Variants in CRACD observed in about 807,000 individuals in gnomAD.
The protein encoded by CRACD is capping protein-inhibiting regulator of actin dynamics.
A neutral mutation model predicts 106.8 loss-of-function variants in CRACD; 56 were observed. The ratio of observed to expected loss-of-function variants is 0.52; its 90% confidence interval spans 0.42 to 0.66. The LOEUF (loss-of-function observed/expected upper bound fraction) is 0.66. Among genes scored for constraint, CRACD ranks in the 30% least tolerant of loss-of-function variants. The pLI is 0.00. For synonymous variants in CRACD, 754 were observed against 670.8 expected (o/e 1.12, Z -1.92); for missense variants, 1,730 against 1,623.2 (o/e 1.07, Z -1.13).
chr4:56,072,608 CT>C (rs112798382), intron 1 of CRACD, among the ~76,000 whole-genome samples: 3 of 151,020 alleles, frequency 2.0e-5, no homozygotes, highest in Non-Finnish European at 4.4e-5. Context: ...TTCTTTCTTT[CT>C]TTTTTTTTAA....
At chr4:56,245,427 A>T (rs941279635) in intron 2 of CRACD, among the ~76,000 whole-genome samples, 3 of 152,194 alleles carry the variant, frequency 2.0e-5, no homozygotes, top group Non-Finnish European at 2.9e-5. Context: ...AACAAAACTA[A>T]ACAACAATAA....
chr4:56,315,016 T>C lies in CRACD; in HGVS notation c.1514T>C (p.Val505Ala), dbSNP rs1745485060. ...CCGGTGGAAGCCGCGCAGCCTCCGG[T>C]GGAGAGGAAAGAAGCCGCCGCCCTT... The part of the protein sequence containing the change: ...EGPVEAAQPP[V>A]ERKEAAALEQ... Residue 505 changes from valine (V) to alanine (A), a missense_variant, in exon 8 of 11, where the codon GTG becomes GCG. Around this residue, in one of 5 missense-constraint regions of CRACD, gnomAD observed 1,620 missense variants for 1,481.6 expected, o/e 1.09. Transcript: ENST00000682029. The surrounding 1 kb of genome is among the most constrained non-coding windows in gnomAD (Gnocchi z 4.1). 1 of 1,590,120 alleles carries C rather than the reference T, an allele frequency of 6.3e-7. No individual in the cohort carries two copies.
chr4:56,325,210 C>T (rs1560544811), intron 10 of CRACD, among the ~76,000 whole-genome samples: 2 of 152,126 alleles, frequency 1.3e-5, no homozygotes, highest in African/African-American at 4.8e-5. Context: ...TGGTGCATGC[C>T]TGTAGTCCCA....
At chr4:56,164,498 C>T (rs1359471685) in intron 1 of CRACD, among the ~76,000 whole-genome samples, 9 of 152,154 alleles carry the variant, frequency 5.9e-5, no homozygotes, top group Non-Finnish European at 7.3e-5. Context: ...GCTACTGATA[C>T]GTGCAACAAC....
chr4:56,278,049 A>G (rs1208678548), intron 3 of CRACD, among the ~76,000 whole-genome samples: 2 of 152,202 alleles, frequency 1.3e-5, no homozygotes, highest in African/African-American at 4.8e-5. Context: ...CATCTATTGG[A>G]AAACATAATA....
intron 1 of CRACD, among the ~76,000 whole-genome samples, chr4:56,164,070 C>T (rs1362202707): frequency 6.6e-6 from 1 of 151,642 alleles, no homozygotes; most frequent in African/African-American, 2.4e-5. Flanking sequence ...CATTCTGACA[C>T]TTGTAGAGCT....
intron 3 of CRACD, among the ~76,000 whole-genome samples, chr4:56,284,552 C>A (rs1279120831): frequency 6.6e-6 from 1 of 151,978 alleles, no homozygotes; most frequent in Non-Finnish European, 1.5e-5. Flanking sequence ...TGGTGAAACC[C>A]CATCTCTACT....
chr4:56,099,486 C>T (rs1005393797), intron 1 of CRACD, among the ~76,000 whole-genome samples: 8 of 152,134 alleles, frequency 5.3e-5, no homozygotes, highest in African/African-American at 7.2e-5. Context: ...ATCCTTCAGC[C>T]GCTCACACTG....
intron 1 of CRACD, among the ~76,000 whole-genome samples, chr4:56,162,801 A>G (rs951330483): frequency 6.6e-6 from 1 of 152,216 alleles, no homozygotes; most frequent in South Asian, 2.1e-4. Context: ...TTTAGAAATA[A>G]TCAGGCAAAA....
chr4:56,217,025 T>C (rs539369043), intron 2 of CRACD, among the ~76,000 whole-genome samples: 58 of 149,960 alleles, frequency 3.9e-4, no homozygotes, highest in African/African-American at 1.4e-3. Flanking sequence ...AAAGAAAATG[T>C]CTCAGGTTTA....
At chr4:56,094,986 A>G (rs1367727256) in intron 1 of CRACD, among the ~76,000 whole-genome samples, 1 of 152,180 alleles carries the variant, frequency 6.6e-6, no homozygotes, top group Non-Finnish European at 1.5e-5. Context: ...TCCCTTTTGT[A>G]TTCCTCAGCA....
At chr4:56,208,632 T>A (rs1205066483) in intron 2 of CRACD, among the ~76,000 whole-genome samples, 1 of 152,228 alleles carries the variant, frequency 6.6e-6, no homozygotes, top group Non-Finnish European at 1.5e-5. Context: ...AAACATCATT[T>A]ATTATTTGGC....
Position 56,313,319 on chromosome 4 carries a change from C to T in CRACD, c.477C>T (p.His159=). ...GCCTGGACAACAGTGCCGCCAAGCACAAGCTGGCTGTTAAGCCAAAAAAAC... is the reference window on the plus strand; with the variant it reads ...GCCTGGACAACAGTGCCGCCAAGCATAAGCTGGCTGTTAAGCCAAAAAAAC... The part of the protein sequence containing the change: ...IARLDNSAAK[H]KLAVKPKKQR... The change falls in exon 7 of 11, where the codon CAC becomes CAT. Residue 159 remains histidine (H), a synonymous_variant. Transcript: ENST00000682029. 1 of 1,614,230 alleles carries T rather than the reference C, an allele frequency of 6.2e-7. No homozygotes were observed. Among genetic ancestry groups the T allele is most frequent in the Non-Finnish European group, 8.5e-7 (1 of 1,180,044 alleles).
chr4:56,068,563 G>T (rs1334658293), intron 1 of CRACD, among the ~76,000 whole-genome samples: 1 of 152,158 alleles, frequency 6.6e-6, no homozygotes, highest in African/African-American at 2.4e-5. Context: ...TAAGAGCAGG[G>T]AGTATCCTTA....
intron 1 of CRACD, among the ~76,000 whole-genome samples, chr4:56,162,442 C>T (rs1319271352): frequency 2.6e-5 from 4 of 152,126 alleles, no homozygotes; most frequent in African/African-American, 9.7e-5. Flanking sequence ...CTCTTGGTCT[C>T]AAGATCCTCC....
chr4:56,090,291 C>T (rs558499482), intron 1 of CRACD, among the ~76,000 whole-genome samples: 1 of 152,108 alleles, frequency 6.6e-6, no homozygotes, highest in Non-Finnish European at 1.5e-5. Context: ...GGGTCGTCTG[C>T]CTGGCACCCC....
intron 1 of CRACD, among the ~76,000 whole-genome samples, chr4:56,139,646 A>G (rs982190036): frequency 6.6e-6 from 1 of 152,182 alleles, no homozygotes; most frequent in Non-Finnish European, 1.5e-5. Context: ...TGAAGCAATG[A>G]CAGTGTGAGA....
chr4:56,096,909 CA>C (rs1409161754), intron 1 of CRACD, among the ~76,000 whole-genome samples: 5 of 152,126 alleles, frequency 3.3e-5, no homozygotes. Context: ...AGAAGGGAAA[CA>C]AGGGTCAAGA....
intron 1 of CRACD, among the ~76,000 whole-genome samples, chr4:56,061,369 G>T (rs1732267765): frequency 6.6e-6 from 1 of 152,070 alleles, no homozygotes; most frequent in Admixed American, 6.6e-5. Context: ...ATGGGGTCTT[G>T]CCATGTTGCC....
Sources: gnomAD v4.1 joint callset for allele counts (sites outside exome capture counted in the v4.1 genomes callset) on GRCh38, gnomAD v4.1.1 for gene constraint, gnomAD v4.1.1 regional missense constraint, Gnocchi (gnomAD v3.1) non-coding constraint, MANE v1.5 for transcripts, NCBI Gene and HGNC (gene_info 2026-07-23, HGNC 2026-07-21) for gene names.